The following THSD7A variants were observed in gnomAD, a reference collection of about 807,000 sequenced individuals.
THSD7A encodes thrombospondin type 1 domain containing 7A, also known as thrombospondin type-1 domain-containing protein 7A.
Under a neutral mutation model 231.3 loss-of-function variants are expected in THSD7A, and 96 were observed. The ratio of observed to expected loss-of-function variants is 0.41; its 90% CI spans 0.35 to 0.49. The LOEUF (loss-of-function observed/expected upper bound fraction) is 0.49, where lower values mean the gene tolerates loss of function less well. THSD7A is among the 20% of genes least tolerant of loss of function. The probability of loss-of-function intolerance (pLI) is 0.05; values close to 1 mark genes in which losing one functional copy is unlikely to be tolerated. For missense variants in THSD7A, 2,290 were observed against 2,070.2 expected (o/e 1.11, Z -2.06); for synonymous variants, 940 against 743.3 (o/e 1.26, Z -4.30).
chr7:11,395,335 A>G (rs1783140817), intron 23 of THSD7A, among the ~76,000 whole-genome samples: 3 of 152,126 alleles, frequency 2.0e-5, no homozygotes, highest in African/African-American at 7.2e-5. Context: ...GCCCTTAGAG[A>G]CCTACAAAGA....
At chr7:11,463,109 G>T (rs190968848) in intron 9 of THSD7A, among the ~76,000 whole-genome samples, 1 of 152,212 alleles carries the variant, frequency 6.6e-6, no homozygotes. Flanking sequence ...TACAGGAACA[G>T]AAATATTTTA....
chr7:11,598,519 C>T (rs1780445378), intron 2 of THSD7A, among the ~76,000 whole-genome samples: 1 of 152,192 alleles, frequency 6.6e-6, no homozygotes, highest in South Asian at 2.1e-4. Flanking sequence ...CTTCCACTCA[C>T]CAAGGCTGAC....
At chr7:11,382,069 A>G (rs1782538201) in intron 24 of THSD7A, among the ~76,000 whole-genome samples, 1 of 152,156 alleles carries the variant, frequency 6.6e-6, no homozygotes. Flanking sequence ...TCTCTAAATC[A>G]TAGACTTCTG....
chr7:11,522,942 A>G (rs1311069663), intron 6 of THSD7A, among the ~76,000 whole-genome samples: 5 of 152,146 alleles, frequency 3.3e-5, no homozygotes, highest in Admixed American at 6.6e-5. Flanking sequence ...TAGACATTTT[A>G]TAAGTGTCTG....
In THSD7A at chr7:11,593,416, C is replaced by A. The variant is rs374534063; in HGVS notation, c.1109G>T (p.Ser370Ile). The change falls in exon 3 of 28, where the codon AGC becomes ATC. Residue 370 changes from serine (S) to isoleucine (I), a missense_variant. Coordinates refer to ENST00000423059, the MANE Select transcript of THSD7A (RefSeq NM_015204.3). ...ECQVSEWSEW[S>I]PCSKTCHDMV... ...GTCATGGCATGTTTTTGAGCAGGGG[C>A]TCCACTCTGACCACTCGGAAACCTG... is the stretch of plus-strand genomic sequence containing the variant. 62 of 1,613,896 alleles carry A rather than the reference C, an allele frequency of 3.8e-5. No individual in the cohort carries two copies. The African/African-American group carries it at 6.5e-4, about 17-fold the overall frequency.
chr7:11,665,013 A>G (rs984751511), intron 1 of THSD7A, among the ~76,000 whole-genome samples: 1 of 152,068 alleles, frequency 6.6e-6, no homozygotes, highest in African/African-American at 2.4e-5. Context: ...AATACAGGAG[A>G]TATCGATACC....
chr7:11,709,080 T>A (rs543250882), intron 1 of THSD7A, among the ~76,000 whole-genome samples: 1 of 150,920 alleles, frequency 6.6e-6, no homozygotes, highest in South Asian at 2.1e-4. Context: ...TAAAATATAA[T>A]CCTGCTCTTA....
rs1279822115 is a variant in THSD7A, at chr7:11,379,052, C to T, written c.4801+18G>A. The T allele has an allele frequency of 8.1e-6, 13 of 1,611,560 alleles. No individual in the cohort carries two copies. Among genetic ancestry groups the T allele is most frequent in the East Asian group, 2.2e-5 (1 of 44,808 alleles). On this transcript the variant is annotated intron_variant, in intron 26 of 27. Transcript: ENST00000423059. ...AGAACTAAAGGTTTCTCTTTCAACA[C>T]TAGTCTAGTCAGTTCACCTGGCCCA...
intron 11 of THSD7A, among the ~76,000 whole-genome samples, chr7:11,451,125 T>C (rs1785129636): frequency 6.6e-6 from 1 of 152,002 alleles, no homozygotes; most frequent in African/African-American, 2.4e-5. Context: ...GGGAAAATGC[T>C]GTAAAGATAA....
chr7:11,703,293 T>G (rs9785045), intron 1 of THSD7A, among the ~76,000 whole-genome samples: 17,102 of 151,220 alleles, frequency 0.11, 1,005 homozygotes, highest in African/African-American at 0.14. Context: ...ATCTGCAAAG[T>G]ATCAAAAATG....
At position 11,649,852 on chromosome 7, in the gene THSD7A, C is replaced by T. The variant is rs575535596; in HGVS notation, c.191-12891G>A. On this transcript the variant is annotated intron_variant, in intron 1 of 27. Coordinates refer to ENST00000423059, the MANE Select transcript of THSD7A (RefSeq NM_015204.3). ...ATCAGGGTATCTCTAATACTTGCCA[C>T]TTTCTAGTCACCAAATCCAACTAGT... 2.0e-3 allele frequency among the ~76,000 whole-genome samples: 305 copies of T among 152,058 alleles called. 1 individual carries two copies. The highest frequency in any genetic ancestry group is 7.0e-3 in the African/African-American group (291 of 41,490).
chr7:11,375,819 G>A lies in THSD7A; in HGVS notation c.4949C>T (p.Ala1650Val), dbSNP rs1312997642. 6.2e-7 allele frequency: 1 copy of A among 1,612,552 alleles called. No individual in the cohort carries two copies. Among genetic ancestry groups the A allele is most frequent in the African/African-American group, 1.3e-5 (1 of 74,806 alleles). The stretch of plus-strand genomic sequence containing the variant: ...TTACATGTCGGCATCTCCATCATAG[G>A]CTAAGGTTAAAGGTTTCAGTCGGTT... ...QNNRLKPLTL[A>V]YDGDADM is the part of the protein sequence containing the mutation. Residue 1650 changes from alanine to valine, a missense_variant, in exon 28 of 28, where the codon GCC becomes GTC. Transcript: ENST00000423059.
intron 2 of THSD7A, among the ~76,000 whole-genome samples, chr7:11,620,762 C>A (rs1781278891): frequency 6.6e-6 from 1 of 152,196 alleles, no homozygotes; most frequent in Non-Finnish European, 1.5e-5. Flanking sequence ...TCTAGCACAA[C>A]CGAAGCACTT....
chr7:11,653,446 ATATGTGTG>A (rs1782583730), intron 1 of THSD7A, among the ~76,000 whole-genome samples: 1 of 93,626 alleles, frequency 1.1e-5, no homozygotes, highest in Non-Finnish European at 2.3e-5. Context: ...CCACTCCCAG[ATATGTGTG>A]TGTGTGTGTG....
intron 13 of THSD7A, among the ~76,000 whole-genome samples, chr7:11,431,729 T>A (rs544893377): frequency 2.6e-5 from 4 of 152,098 alleles, no homozygotes; most frequent in Non-Finnish European, 5.9e-5. Context: ...TGCAAAAAAT[T>A]GCAGCTAGGA....
intron 4 of THSD7A, among the ~76,000 whole-genome samples, chr7:11,545,570 G>A (rs1446162274): frequency 6.6e-6 from 1 of 152,072 alleles, no homozygotes; most frequent in Non-Finnish European, 1.5e-5. Context: ...TAAAAGAAGA[G>A]GAAGCTGGGA....
rs925709476 is a variant in THSD7A at position 11,750,295 on chromosome 7, C to T, written c.190+81462G>A. On this transcript the variant is annotated intron_variant, in intron 1 of 27. Coordinates refer to ENST00000423059, the MANE Select transcript of THSD7A (RefSeq NM_015204.3). ...GTATGTTAGGAACACCTTGCCCAAA[C>T]AGAAGTATATAGGGGTGCGTAGTAC... Among the ~76,000 whole-genome samples, 13 of 151,672 alleles carry T rather than the reference C, an allele frequency of 8.6e-5. 1 individual carries two copies. The highest frequency in any genetic ancestry group is 3.1e-4 in the African/African-American group (13 of 41,342).
At chr7:11,802,785 T>C (rs1207020347) in intron 1 of THSD7A, among the ~76,000 whole-genome samples, 1 of 152,180 alleles carries the variant, frequency 6.6e-6, no homozygotes, top group African/African-American at 2.4e-5. Context: ...CTAATATATA[T>C]TCAGTCTTCC....
At chr7:11,654,363 T>C (rs1431778597) in intron 1 of THSD7A, among the ~76,000 whole-genome samples, 2 of 151,968 alleles carry the variant, frequency 1.3e-5, no homozygotes, top group Admixed American at 1.3e-4. Context: ...AATCAGATAA[T>C]CAGTCTTAAC....
Sources: allele counts gnomAD v4.1 joint callset (sites outside exome capture counted in the v4.1 genomes callset), GRCh38; gene constraint gnomAD v4.1.1; transcripts MANE v1.5; gene names NCBI Gene and HGNC (gene_info 2026-07-23, HGNC 2026-07-21).